The following DOCK2 variants were observed in gnomAD, a reference collection of about 807,000 sequenced individuals.
The protein encoded by DOCK2 is dedicator of cytokinesis protein 2.
A neutral mutation model predicts 248.9 loss-of-function variants in DOCK2; 87 were observed. The ratio of observed to expected loss-of-function variants is 0.35; its 90% CI spans 0.29 to 0.42. DOCK2 has a LOEUF of 0.42. Among genes scored for constraint, DOCK2 ranks in the 10% least tolerant of loss-of-function variants. DOCK2 has a pLI of 1.00. For missense variants in DOCK2, 1,747 were observed against 2,300.2 expected (o/e 0.76, Z 4.92); for synonymous variants, 805 against 821.6 (o/e 0.98, Z 0.35).
At chr5:169,648,459 C>CA (rs1173553583) in intron 1 of DOCK2, among the ~76,000 whole-genome samples, 1 of 152,164 alleles carries the variant, frequency 6.6e-6, no homozygotes, top group East Asian at 1.9e-4. Context: ...CTGTGCGCTA[C>CA]AATATGCAGC....
intron 26 of DOCK2, among the ~76,000 whole-genome samples, chr5:169,819,321 A>G (rs941755410): frequency 1.2e-4 from 18 of 152,112 alleles, no homozygotes; most frequent in African/African-American, 4.1e-4. Context: ...AAACAACAAC[A>G]ACAACAAAAC....
intron 26 of DOCK2, among the ~76,000 whole-genome samples, chr5:169,806,048 C>A (rs977574037): frequency 2.0e-5 from 3 of 152,140 alleles, no homozygotes; most frequent in African/African-American, 7.2e-5. Flanking sequence ...AGATGGAAAT[C>A]TCTCTTCTTT....
chr5:169,828,216 A>G (rs1561741392), intron 26 of DOCK2, among the ~76,000 whole-genome samples: 2 of 152,202 alleles, frequency 1.3e-5, no homozygotes, highest in East Asian at 3.8e-4. Flanking sequence ...GTTGCATTTT[A>G]GATCGACATA....
intron 27 of DOCK2, among the ~76,000 whole-genome samples, chr5:169,939,683 C>T (rs190079008): frequency 6.6e-6 from 1 of 152,202 alleles, no homozygotes; most frequent in East Asian, 1.9e-4. Flanking sequence ...AGCTCCATTC[C>T]GTCATTGACT....
intron 27 of DOCK2, among the ~76,000 whole-genome samples, chr5:169,973,190 C>T (rs74891927): frequency 6.6e-6 from 1 of 152,290 alleles, no homozygotes; most frequent in East Asian, 1.9e-4. Flanking sequence ...ATTTATCTGC[C>T]TGCCCCCTCC....
intron 29 of DOCK2, among the ~76,000 whole-genome samples, chr5:169,995,539 T>C (rs891869457): frequency 6.6e-6 from 1 of 152,248 alleles, no homozygotes; most frequent in South Asian, 2.1e-4. Flanking sequence ...AAGGATGATA[T>C]ATATCTACAT....
intron 22 of DOCK2, among the ~76,000 whole-genome samples, chr5:169,744,639 A>T (rs1323271981): frequency 6.6e-6 from 1 of 152,054 alleles, no homozygotes; most frequent in Non-Finnish European, 1.5e-5. Flanking sequence ...TGAGACACAG[A>T]GAAGTTGGGA....
chr5:169,932,599 G>A (rs1775808061), intron 27 of DOCK2, among the ~76,000 whole-genome samples: 1 of 152,162 alleles, frequency 6.6e-6, no homozygotes, highest in African/African-American at 2.4e-5. Flanking sequence ...TGACCACAAG[G>A]TGAGGGCCAG....
intron 2 of DOCK2, among the ~76,000 whole-genome samples, chr5:169,658,962 T>C (rs1295773712): frequency 6.7e-6 from 1 of 150,150 alleles, no homozygotes; most frequent in Non-Finnish European, 1.5e-5. Context: ...GGATATTTGC[T>C]TCCAATCTAC....
At chr5:169,842,249 G>C (rs1269597053) in intron 27 of DOCK2, among the ~76,000 whole-genome samples, 10 of 152,214 alleles carry the variant, frequency 6.6e-5, no homozygotes, top group Non-Finnish European at 1.5e-4. Context: ...GAGAGCATCA[G>C]TGGTGCCAGA....
intron 27 of DOCK2, among the ~76,000 whole-genome samples, chr5:169,899,988 G>A (rs1021116708): frequency 6.6e-6 from 1 of 152,090 alleles, no homozygotes; most frequent in Non-Finnish European, 1.5e-5. Context: ...ACTGTCCATT[G>A]TATTCACTTC....
At chr5:169,918,179 C>A (rs1444210631) in intron 27 of DOCK2, among the ~76,000 whole-genome samples, 2 of 152,178 alleles carry the variant, frequency 1.3e-5, no homozygotes, top group Non-Finnish European at 2.9e-5. Context: ...TTTAAAAATA[C>A]AGAAACCACA....
chr5:169,888,146 A>C (rs1236784224), intron 27 of DOCK2, among the ~76,000 whole-genome samples: 1 of 152,184 alleles, frequency 6.6e-6, no homozygotes, highest in East Asian at 1.9e-4. Context: ...TTCTCTTGAC[A>C]AAAATATTTT....
intron 1 of DOCK2, among the ~76,000 whole-genome samples, chr5:169,644,759 T>A (rs1328496046): frequency 3.3e-5 from 5 of 152,164 alleles, no homozygotes; most frequent in African/African-American, 9.6e-5. Flanking sequence ...CCCATATGCA[T>A]TAGCTATTTG....
At chr5:169,698,200 C>G (rs566346769) in intron 10 of DOCK2, among the ~76,000 whole-genome samples, 174 bp from the exon 11 acceptor site, 4 of 152,306 alleles carry the variant, frequency 2.6e-5, no homozygotes, top group South Asian at 4.1e-4. Context: ...GTGCTGCACG[C>G]GAGGAACCTC....
chr5:169,641,693 CT>C (rs1434374367), intron 1 of DOCK2, among the ~76,000 whole-genome samples: 1 of 152,184 alleles, frequency 6.6e-6, no homozygotes, highest in Non-Finnish European at 1.5e-5. Context: ...GGCTTCTCAG[CT>C]TCTCTGAGCA....
chr5:169,914,849 G>A (rs1450423271), intron 27 of DOCK2, among the ~76,000 whole-genome samples: 1 of 152,180 alleles, frequency 6.6e-6, no homozygotes, highest in African/African-American at 2.4e-5. Context: ...TGCATCCCAT[G>A]GAGTAAATGA....
In DOCK2 at chr5:169,765,422, C is replaced by T. The variant is rs141945683; in HGVS notation, c.2554+3797C>T. On this transcript the variant is annotated intron_variant, in intron 25 of 51. Transcript: ENST00000520908. ...TACAAACACTAATTTGCTGTCTTCT[C>T]CAACACAAGCTCAGACCTGCCTGGT... Among the ~76,000 whole-genome samples the T allele has an allele frequency of 6.4e-3, 980 of 152,282 alleles. 7 individuals carry two copies. Among genetic ancestry groups the T allele is most frequent in the Admixed American group, 0.012 (187 of 15,290 alleles).
intron 33 of DOCK2, among the ~76,000 whole-genome samples, chr5:170,021,347 T>C (rs1399680712): frequency 6.6e-6 from 1 of 152,172 alleles, no homozygotes; most frequent in Non-Finnish European, 1.5e-5. Flanking sequence ...TTACTTACCC[T>C]CAGACCCACT....
Sources: allele counts gnomAD v4.1 joint callset (sites outside exome capture counted in the v4.1 genomes callset), GRCh38; gene constraint gnomAD v4.1.1; transcripts MANE v1.5; gene names NCBI Gene and HGNC (gene_info 2026-07-23, HGNC 2026-07-21).